Variants in XPOT observed in about 807,000 individuals in gnomAD.
The protein encoded by XPOT is exportin for tRNA, also known as exportin-T.
Under a neutral mutation model 128.2 loss-of-function variants are expected in XPOT, and 34 were observed. The ratio of observed to expected loss-of-function variants is 0.27; its 90% CI spans 0.20 to 0.35. The LOEUF (loss-of-function observed/expected upper bound fraction) is 0.35, where lower values mean the gene tolerates loss of function less well. Ranked by LOEUF, XPOT falls within the 10% of genes least tolerant of loss-of-function variation. The pLI is 1.00. For missense variants in XPOT, 838 were observed against 1,125.3 expected (o/e 0.74, Z 3.65); for synonymous variants, 348 against 394.3 (o/e 0.88, Z 1.39).
At chr12:64,434,258 A>G (rs918102273) in intron 19 of XPOT, among the ~76,000 whole-genome samples, 5 of 152,122 alleles carry the variant, frequency 3.3e-5, no homozygotes, top group Non-Finnish European at 7.4e-5. Flanking sequence ...GGCCTTACAA[A>G]GGGCTGGAAT....
At chr12:64,412,698 A>G (rs1044117082) in intron 2 of XPOT, among the ~76,000 whole-genome samples, 1 of 152,214 alleles carries the variant, frequency 6.6e-6, no homozygotes, top group African/African-American at 2.4e-5. Context: ...CCTACAAATC[A>G]ATTCAATTCT....
chr12:64,446,962 G>A (rs1411350943), intron 24 of XPOT, among the ~76,000 whole-genome samples: 2 of 152,164 alleles, frequency 1.3e-5, no homozygotes, highest in East Asian at 1.9e-4. Flanking sequence ...TTACAAAATA[G>A]CTTTATTGGA....
intron 1 of XPOT, among the ~76,000 whole-genome samples, chr12:64,406,353 C>T (rs977351768): frequency 1.3e-5 from 2 of 151,768 alleles, no homozygotes; most frequent in Non-Finnish European, 2.9e-5. Context: ...GGATTACAGG[C>T]GTGAGCCACC....
chr12:64,439,418 A>G (rs1294299648), intron 23 of XPOT, 103 bp downstream of exon 23: 7 of 1,065,594 alleles, frequency 6.6e-6, no homozygotes, highest in Non-Finnish European at 9.7e-6. Flanking sequence ...TTCATATTAC[A>G]TAAGTTGTTG....
At chr12:64,409,536 C>T (rs1222415958) in intron 1 of XPOT, 1 of 152,760 alleles carries the variant, frequency 6.5e-6, no homozygotes, top group East Asian at 1.9e-4. Context: ...GAGATCAAGA[C>T]CATCCTGGCT....
chr12:64,424,988 T>A, intron 12 of XPOT, 50 bp from the exon 13 acceptor site: 1 of 1,605,668 alleles, frequency 6.2e-7, no homozygotes, highest in Admixed American at 1.7e-5. Context: ...CATAATTTGC[T>A]GTATGAAAAA....
chr12:64,405,572 C>G (rs931879021), intron 1 of XPOT, among the ~76,000 whole-genome samples: 3 of 152,198 alleles, frequency 2.0e-5, no homozygotes, highest in African/African-American at 7.2e-5. Context: ...CCCCAAGAAC[C>G]TTTGCAAGAT....
intron 14 of XPOT, 119 bp from the exon 15 acceptor site, chr12:64,425,696 C>A: frequency 9.3e-7 from 1 of 1,070,296 alleles, no homozygotes; most frequent in Non-Finnish European, 1.4e-6. Flanking sequence ...TCGTATATTC[C>A]TAGTCCCTGC....
rs1410254468 is a variant in XPOT, at chr12:64,428,129, C to T, written c.1737+9C>T. 6.6e-7 allele frequency: 1 copy of T among 1,520,158 alleles called. No individual in the cohort carries two copies. The highest frequency in any genetic ancestry group is 1.7e-5 in the Admixed American group (1 of 59,010). The allele number at this position is 1,520,158 out of a possible 1,614,324, so 94.2% of individuals were successfully genotyped here. A position where few individuals can be genotyped will look rare whatever the true frequency, so the allele number is the denominator to read the frequency against. Reference sequence around the variant, plus strand: ...TAGAGCTTTCTCCACCTGTAAGTATCTGTCTCTTTAAGATATTTTACCCAG... The same window carrying T: ...TAGAGCTTTCTCCACCTGTAAGTATTTGTCTCTTTAAGATATTTTACCCAG... On this transcript the variant is annotated intron_variant, in intron 16 of 24. Coordinates refer to ENST00000332707, the MANE Select transcript of XPOT (RefSeq NM_007235.6).
intron 2 of XPOT, 108 bp from the exon 3 acceptor site, chr12:64,414,799 G>T: frequency 1.5e-6 from 1 of 652,182 alleles, no homozygotes; most frequent in Non-Finnish European, 2.8e-6. Flanking sequence ...TTTCTATTAA[G>T]TTTACTGATT....
rs368637952 is a variant in XPOT at position 64,433,447 on chromosome 12, A to G, written c.2296A>G (p.Met766Val). 3.5e-5 allele frequency: 56 copies of G among 1,584,446 alleles called. No individual in the cohort carries two copies. The highest frequency in any genetic ancestry group is 4.5e-5 in the Non-Finnish European group (52 of 1,161,948). The part of the protein sequence containing the change: ...QVSPFLQQMF[M>V]PLLHAIFEVL... The stretch of plus-strand genomic sequence containing the variant: ...ATCCCCGTTTTTACAACAGATGTTC[A>G]TGCCCCTGCTTCATGCAATTTTTGA... Residue 766 changes from methionine (M) to valine (V), a missense_variant, in exon 19 of 25, where the codon ATG (methionine) becomes GTG (valine). Met to Val is a conservative substitution (Grantham distance 21). Transcript: ENST00000332707.
chr12:64,445,617 G>T (rs1372126958), intron 24 of XPOT, among the ~76,000 whole-genome samples: 1 of 151,984 alleles, frequency 6.6e-6, no homozygotes, highest in African/African-American at 2.4e-5. Flanking sequence ...GGTATTCATA[G>T]TTATAATTGA....
intron 16 of XPOT, among the ~76,000 whole-genome samples, chr12:64,429,829 T>G (rs1292546204): frequency 1.3e-5 from 2 of 152,198 alleles, no homozygotes; most frequent in African/African-American, 4.8e-5. Context: ...ACATGATCAT[T>G]TATAGAGTCT....
chr12:64,424,963 G>T, intron 12 of XPOT, 75 bp from the exon 13 acceptor site: 2 of 1,540,358 alleles, frequency 1.3e-6, no homozygotes, highest in Non-Finnish European at 1.8e-6. Context: ...GCTTTTGTTG[G>T]TGTCTTACCC....
chr12:64,421,420 T>C lies in XPOT; in HGVS notation c.1029T>C (p.Ile343=). ...LQLLIHEDDD[I]SSNIIGFCYD... is the part of the protein sequence containing the mutation. ...TACTAATTCATGAGGATGATGATAT[T>C]TCTTCTAATATTATTGGATTTTGTT... is the stretch of plus-strand genomic sequence containing the variant. Residue 343 remains isoleucine (I), a synonymous_variant, in exon 9 of 25, where the codon ATT becomes ATC. Transcript: ENST00000332707. 1 of 1,614,066 alleles carries C rather than the reference T, an allele frequency of 6.2e-7. No individual in the cohort carries two copies. Among genetic ancestry groups the C allele is most frequent in the Non-Finnish European group, 8.5e-7 (1 of 1,179,940 alleles).
chr12:64,444,902 G>A (rs2040355585), intron 23 of XPOT, among the ~76,000 whole-genome samples, 173 bp from the exon 24 acceptor site: 1 of 149,612 alleles, frequency 6.7e-6, no homozygotes, highest in Non-Finnish European at 1.5e-5. Context: ...GAGCCTAGGA[G>A]TTGGAGGCTA....
intron 14 of XPOT, 57 bp downstream of exon 14, chr12:64,425,514 G>A (rs1014654419): frequency 1.3e-6 from 2 of 1,583,448 alleles, no homozygotes; most frequent in African/African-American, 2.7e-5. Context: ...ACTTGATAGT[G>A]TAGTATTGTA....
chr12:64,404,481 T>TGCGGCG lies in XPOT; in HGVS notation c.-385_-380dup, dbSNP rs770410319. 2.2e-4 allele frequency: 34 copies of TGCGGCG among 157,304 alleles called. No individual in the cohort carries two copies. Among genetic ancestry groups the TGCGGCG allele is most frequent in the Admixed American group, 9.2e-4 (14 of 15,212 alleles). 9.7% of individuals were successfully genotyped at this position (157,304 alleles called of 1,614,324 possible). ...GCGCTGACTCAGCGGCGGCGGCGGC[T>TGCGGCG]GCGGCGGCGGCGGCGGCGTTAGCCG... On this transcript the variant is annotated 5_prime_UTR_variant, in exon 1 of 25. Transcript: ENST00000332707.
intron 2 of XPOT, among the ~76,000 whole-genome samples, chr12:64,414,652 G>A (rs2040071036): frequency 6.6e-6 from 1 of 152,136 alleles, no homozygotes; most frequent in Non-Finnish European, 1.5e-5. Context: ...AGGCTGCGGG[G>A]CATTTTTGTG....
Sources: allele counts gnomAD v4.1 joint callset (sites outside exome capture counted in the v4.1 genomes callset), GRCh38; gene constraint gnomAD v4.1.1; transcripts MANE v1.5; gene names NCBI Gene and HGNC (gene_info 2026-07-23, HGNC 2026-07-21).